Variants in ZMAT4 observed in about 807,000 individuals in gnomAD.
ZMAT4 encodes the protein zinc finger matrin-type 4.
Under a neutral mutation model 28.7 loss-of-function variants are expected in ZMAT4, and 17 were observed. That is an observed-to-expected ratio of 0.59 (90% CI 0.41 to 0.89). ZMAT4 has a LOEUF of 0.89. Ranked by LOEUF, ZMAT4 falls within the 40% of genes least tolerant of loss-of-function variation. The pLI is 0.00. For synonymous variants in ZMAT4, 117 were observed against 109.2 expected (o/e 1.07, Z -0.44); for missense variants, 240 against 283.8 (o/e 0.85, Z 1.11).
chr8:40,808,850 TAA>T (rs36013592), intron 2 of ZMAT4, among the ~76,000 whole-genome samples: 3 of 145,084 alleles, frequency 2.1e-5, no homozygotes, highest in African/African-American at 5.1e-5. Flanking sequence ...GCCAACTATT[TAA>T]AAAAAAAAAA....
chr8:40,789,192 G>T (rs1586053741), intron 2 of ZMAT4, among the ~76,000 whole-genome samples: 3 of 152,116 alleles, frequency 2.0e-5, no homozygotes, highest in African/African-American at 7.2e-5. Context: ...AACATAAATT[G>T]ATTTAAAAAG....
In ZMAT4 at chr8:40,589,766, C is replaced by CTTTCTTTCTTTCTT. The variant is rs1308357546; in HGVS notation, c.578-8506_578-8505insAAGAAAGAAAGAAA. Among the ~76,000 whole-genome samples the CTTTCTTTCTTTCTT allele has an allele frequency of 7.0e-4, 94 of 134,684 alleles. 1 individual carries two copies. Among genetic ancestry groups the CTTTCTTTCTTTCTT allele is most frequent in the African/African-American group, 2.4e-3 (86 of 36,030 alleles). The allele number at this position is 134,684 out of a possible 152,430, so 88.4% of individuals were successfully genotyped here. A position where few individuals can be genotyped will look rare whatever the true frequency, so the allele number is the denominator to read the frequency against. On this transcript the variant is annotated intron_variant, in intron 5 of 6. Coordinates refer to ENST00000297737, the MANE Select transcript of ZMAT4 (RefSeq NM_024645.3). ...TTTCTTTCTTTCTTTCTTTCTTTTT[C>CTTTCTTTCTTTCTT]TTTCTTTCTTTCCTTTCTTTCTTTT...
intron 6 of ZMAT4, among the ~76,000 whole-genome samples, chr8:40,549,825 C>A (rs951953465): frequency 4.6e-5 from 7 of 152,164 alleles, no homozygotes; most frequent in African/African-American, 1.7e-4. Context: ...GATTTATACA[C>A]TAGACTCTGA....
chr8:40,731,164 C>T (rs1240996090), intron 3 of ZMAT4, among the ~76,000 whole-genome samples: 1 of 152,138 alleles, frequency 6.6e-6, no homozygotes, highest in African/African-American at 2.4e-5. Flanking sequence ...TTGCAAGCCC[C>T]ACTTCCCCTG....
chr8:40,697,138 A>G, intron 4 of ZMAT4, 107 bp downstream of exon 4: 1 of 1,331,164 alleles, frequency 7.5e-7, no homozygotes, highest in Non-Finnish European at 1.0e-6. Context: ...GACGTCTACC[A>G]TTAGGCTCTG....
At chr8:40,837,505 T>C (rs1195918655) in intron 1 of ZMAT4, among the ~76,000 whole-genome samples, 1 of 152,226 alleles carries the variant, frequency 6.6e-6, no homozygotes, top group Non-Finnish European at 1.5e-5. Flanking sequence ...TTGGCATGGC[T>C]GGGGAAAAAG....
intron 3 of ZMAT4, among the ~76,000 whole-genome samples, chr8:40,714,093 A>G (rs1810747487): frequency 6.6e-6 from 1 of 152,118 alleles, no homozygotes. Context: ...TTTTTGAAAA[A>G]TAATGTCTTA....
intron 1 of ZMAT4, among the ~76,000 whole-genome samples, chr8:40,851,737 C>T (rs1405018513): frequency 6.6e-6 from 1 of 152,134 alleles, no homozygotes; most frequent in Non-Finnish European, 1.5e-5. Context: ...GTGTTGGGAA[C>T]ATTTAATGTC....
At chr8:40,625,056 A>G (rs1386802821) in intron 5 of ZMAT4, among the ~76,000 whole-genome samples, 2 of 152,216 alleles carry the variant, frequency 1.3e-5, no homozygotes, top group Non-Finnish European at 2.9e-5. Flanking sequence ...TGAAAAAGCG[A>G]CATTTGAGTT....
At chr8:40,844,606 C>A (rs1197036662) in intron 1 of ZMAT4, among the ~76,000 whole-genome samples, 1 of 150,198 alleles carries the variant, frequency 6.7e-6, no homozygotes, top group Non-Finnish European at 1.5e-5. Flanking sequence ...TGTATATATA[C>A]TCTTTCTCTC....
At chr8:40,589,991 T>A (rs1483279914) in intron 5 of ZMAT4, among the ~76,000 whole-genome samples, 1 of 108,290 alleles carries the variant, frequency 9.2e-6, no homozygotes. Flanking sequence ...CTTCCTTCCT[T>A]CCTTCCTTCC....
intron 2 of ZMAT4, among the ~76,000 whole-genome samples, chr8:40,806,806 T>C (rs565577781): frequency 1.3e-5 from 2 of 151,938 alleles, no homozygotes; most frequent in Non-Finnish European, 2.9e-5. Context: ...AAATCTAGAA[T>C]CCCCATAGAG....
chr8:40,682,748 A>G (rs1809231705), intron 4 of ZMAT4, among the ~76,000 whole-genome samples: 1 of 152,140 alleles, frequency 6.6e-6, no homozygotes, highest in African/African-American at 2.4e-5. Flanking sequence ...CTTTACCCAC[A>G]CTGCATTCAT....
chr8:40,659,701 A>G (rs981909689), intron 5 of ZMAT4, among the ~76,000 whole-genome samples: 2 of 152,148 alleles, frequency 1.3e-5, no homozygotes, highest in Admixed American at 6.5e-5. Flanking sequence ...AGGAAACTAG[A>G]TGGACTACAA....
chr8:40,648,432 C>A (rs7836821), intron 5 of ZMAT4, among the ~76,000 whole-genome samples: 81,801 of 149,112 alleles, frequency 0.55, 23,325 homozygotes, highest in East Asian at 0.69. Context: ...TGTGAAAAGA[C>A]CAAATCTACG....
intron 2 of ZMAT4, among the ~76,000 whole-genome samples, chr8:40,803,878 G>T (rs983375799): frequency 3.3e-5 from 5 of 152,068 alleles, no homozygotes; most frequent in Non-Finnish European, 5.9e-5. Flanking sequence ...TCCAAACAAT[G>T]GACTATTATT....
At chr8:40,841,428 C>G (rs905510261) in intron 1 of ZMAT4, among the ~76,000 whole-genome samples, 1 of 152,210 alleles carries the variant, frequency 6.6e-6, no homozygotes, top group Non-Finnish European at 1.5e-5. Flanking sequence ...GTCCCTTCCA[C>G]GTCTTGTTAA....
At chr8:40,687,564 C>T (rs1177894500) in intron 4 of ZMAT4, among the ~76,000 whole-genome samples, 2 of 152,110 alleles carry the variant, frequency 1.3e-5, no homozygotes, top group Non-Finnish European at 2.9e-5. Flanking sequence ...CTGGATGAAA[C>T]ATTTTTTTTA....
chr8:40,739,122 A>G (rs1012435708), intron 3 of ZMAT4, among the ~76,000 whole-genome samples: 2 of 152,222 alleles, frequency 1.3e-5, no homozygotes, highest in Admixed American at 1.3e-4. Context: ...TATAATGAAA[A>G]TGCATTTAAT....
Sources: gnomAD v4.1 joint callset for allele counts (sites outside exome capture counted in the v4.1 genomes callset) on GRCh38, gnomAD v4.1.1 for gene constraint, MANE v1.5 for transcripts, NCBI Gene and HGNC (gene_info 2026-07-23, HGNC 2026-07-21) for gene names.